Variants in ARL13B observed in about 807,000 individuals in gnomAD.
ARL13B encodes the protein ADP-ribosylation factor-like protein 13B.
In ARL13B, 36 loss-of-function variants were observed where a neutral mutation model predicts 56.1. The observed-to-expected ratio is 0.64, with a 90% CI of 0.49 to 0.85. The LOEUF (loss-of-function observed/expected upper bound fraction) is 0.85. Among genes scored for constraint, ARL13B ranks in the 40% least tolerant of loss-of-function variants. ARL13B has a pLI of 0.00. For synonymous variants in ARL13B, 178 were observed against 171.1 expected, an observed-to-expected ratio of 1.04 and a Z score of -0.32; for missense variants, 519 against 507.1, an observed-to-expected ratio of 1.02 and a Z score of -0.23.
rs1349215949 is a variant in ARL13B at position 94,054,279 on chromosome 3, G to T, written c.*1016G>T. ...CTGTTTTACAACTGGGAAACAGCTT[G>T]TGTACTAAAGTAATGAGAATAAAAA... is the stretch of plus-strand genomic sequence containing the variant. On this transcript the variant is annotated 3_prime_UTR_variant, in exon 10 of 10. Transcript: ENST00000394222. 2.2e-6 allele frequency: 1 copy of T among 449,612 alleles called. No homozygotes were observed. The highest frequency in any genetic ancestry group is 4.5e-6 in the Non-Finnish European group (1 of 224,548). The allele number at this position is 449,612 out of a possible 1,614,324, so 27.9% of individuals were successfully genotyped here.
In ARL13B at chr3:94,053,186, G is replaced by C. The variant is rs767291160; in HGVS notation, c.1211-1G>C. The C allele has an allele frequency of 1.3e-5, 21 of 1,610,644 alleles. No homozygotes were observed. In the Admixed American group the frequency reaches 1.5e-4, roughly 12 times the overall value. On this transcript the variant is annotated splice_acceptor_variant, in intron 9 of 9. Coordinates refer to ENST00000394222, the MANE Select transcript of ARL13B (RefSeq NM_001174150.2). LOFTEE classifies it high-confidence loss of function. ...GCATTTGGTTTTCTTTCTTTTCTTA[G>C]ATTTCTATAGGAAGCCACTGCCTCC...
At chr3:94,030,559 TAAAAC>T (rs928360496) in intron 3 of ARL13B, among the ~76,000 whole-genome samples, 26 of 152,062 alleles carry the variant, frequency 1.7e-4, no homozygotes, top group East Asian at 7.7e-4. Context: ...AATTAAATCT[TAAAAC>T]AAATACACAA....
chr3:93,999,574 G>A (rs569250001), intron 2 of ARL13B, among the ~76,000 whole-genome samples: 34 of 152,082 alleles, frequency 2.2e-4, no homozygotes, highest in African/African-American at 5.8e-4. Context: ...TATTCTTTGC[G>A]TTACTCTTTC....
chr3:93,988,909 G>T (rs1355170741), intron 1 of ARL13B: 8 of 310,788 alleles, frequency 2.6e-5, no homozygotes, highest in South Asian at 2.3e-4. Context: ...CTCTTGCTTC[G>T]CCACCCCTTC....
intron 3 of ARL13B, among the ~76,000 whole-genome samples, chr3:94,016,229 A>C (rs767506561): frequency 3.3e-5 from 5 of 152,170 alleles, no homozygotes; most frequent in Admixed American, 6.5e-5. Flanking sequence ...ACATTTTTGA[A>C]GATAAGAAGA....
At chr3:94,033,185 G>A (rs1018527481) in intron 3 of ARL13B, among the ~76,000 whole-genome samples, 1 of 152,198 alleles carries the variant, frequency 6.6e-6, no homozygotes, top group African/African-American at 2.4e-5. Context: ...GACATGGAGT[G>A]TGGATTAATA....
chr3:94,047,961 T>A (rs1486791644), intron 7 of ARL13B: 1 of 152,110 alleles, frequency 6.6e-6, no homozygotes, highest in Non-Finnish European at 1.5e-5. Context: ...ATATATTTTA[T>A]GTTACAGATA....
intron 6 of ARL13B, among the ~76,000 whole-genome samples, chr3:94,041,618 C>T (rs1024521564): frequency 3.3e-5 from 5 of 152,148 alleles, no homozygotes; most frequent in Admixed American, 2.0e-4. Context: ...AAGAAGTAAA[C>T]TCTAGTGAGA....
At chr3:93,994,571 GTTTTA>G (rs923472782) in intron 1 of ARL13B, among the ~76,000 whole-genome samples, 12 of 152,070 alleles carry the variant, frequency 7.9e-5, no homozygotes, top group African/African-American at 2.7e-4. Flanking sequence ...GTTTTTGTTT[GTTTTA>G]TTATGATAGT....
At chr3:94,005,073 T>C (rs1348318121) in intron 3 of ARL13B, among the ~76,000 whole-genome samples, 2 of 152,192 alleles carry the variant, frequency 1.3e-5, no homozygotes. Flanking sequence ...CTGGATTTAT[T>C]CATTAATACA....
intron 3 of ARL13B, among the ~76,000 whole-genome samples, chr3:94,004,821 G>A (rs978901596): frequency 3.3e-5 from 5 of 151,906 alleles, no homozygotes; most frequent in Admixed American, 3.3e-4. Context: ...AATTAGAGAA[G>A]TTATTTGATT....
chr3:93,989,796 C>T lies in ARL13B; in HGVS notation c.60-6078C>T, dbSNP rs574835223. 3.3e-5 allele frequency among the ~76,000 whole-genome samples: 5 copies of T among 152,048 alleles called. No homozygotes were observed. In the East Asian group the frequency reaches 9.7e-4, roughly 29 times the overall value. On this transcript the variant is annotated intron_variant, in intron 1 of 9. Coordinates refer to ENST00000394222, the MANE Select transcript of ARL13B (RefSeq NM_001174150.2). ...AATTTGTGGCTACATTTCAGAGTAC[C>T]CATAATACCTCTTATGTTACTTATT...
intron 3 of ARL13B, among the ~76,000 whole-genome samples, chr3:94,019,963 A>G (rs184573416): frequency 2.4e-4 from 36 of 152,252 alleles, no homozygotes; most frequent in Admixed American, 2.2e-3. Context: ...TTGTCACCCT[A>G]TTTTGAACTA....
chr3:93,993,499 C>G (rs1253539605), intron 1 of ARL13B, among the ~76,000 whole-genome samples: 2 of 152,302 alleles, frequency 1.3e-5, no homozygotes, highest in East Asian at 3.9e-4. Context: ...TGGCTCACTA[C>G]AGCCTTGACC....
intron 3 of ARL13B, among the ~76,000 whole-genome samples, chr3:94,014,070 CAT>C (rs1339393162): frequency 1.3e-5 from 2 of 152,174 alleles, no homozygotes; most frequent in Admixed American, 6.5e-5. Flanking sequence ...CTACTTAACA[CAT>C]GAGAGAAATG....
chr3:94,041,887 T>C (rs2076869244), intron 6 of ARL13B, among the ~76,000 whole-genome samples: 1 of 152,040 alleles, frequency 6.6e-6, no homozygotes, highest in African/African-American at 2.4e-5. Context: ...GGTGAAACCC[T>C]GTCTCTGCTA....
intron 6 of ARL13B, among the ~76,000 whole-genome samples, chr3:94,041,820 A>G (rs2076867921): frequency 6.6e-6 from 1 of 152,218 alleles, no homozygotes; most frequent in Non-Finnish European, 1.5e-5. Flanking sequence ...CACGCCTGTA[A>G]TCCCAGCACT....
intron 3 of ARL13B, among the ~76,000 whole-genome samples, chr3:94,030,700 T>C (rs1458676916): frequency 6.6e-6 from 1 of 152,162 alleles, no homozygotes; most frequent in Non-Finnish European, 1.5e-5. Context: ...ACTCTGCATC[T>C]CTAGTGGGAT....
intron 6 of ARL13B, among the ~76,000 whole-genome samples, chr3:94,041,085 T>A (rs2076852859): frequency 6.6e-6 from 1 of 152,078 alleles, no homozygotes; most frequent in African/African-American, 2.4e-5. Flanking sequence ...CTATAGTTTT[T>A]TTTTTTTAAC....
Sources: gnomAD v4.1 joint callset for allele counts (sites outside exome capture counted in the v4.1 genomes callset) on GRCh38, gnomAD v4.1.1 for gene constraint, MANE v1.5 for transcripts, NCBI Gene and HGNC (gene_info 2026-07-23, HGNC 2026-07-21) for gene names.